The following HS3ST2 variants were observed in gnomAD, a reference collection of about 807,000 sequenced individuals.
HS3ST2 encodes the protein heparan sulfate-glucosamine 3-sulfotransferase 2.
A neutral mutation model predicts 26.3 loss-of-function variants in HS3ST2; 17 were observed. The ratio of observed to expected loss-of-function variants is 0.65; its 90% CI spans 0.44 to 0.97. The LOEUF (loss-of-function observed/expected upper bound fraction) is 0.97, where lower values mean the gene tolerates loss of function less well. Ranked by LOEUF, HS3ST2 falls within the 50% of genes least tolerant of loss-of-function variation. The pLI, the probability that HS3ST2 is intolerant of heterozygous loss-of-function variation, is 0.00. For synonymous variants in HS3ST2, 237 were observed against 219.2 expected, an observed-to-expected ratio of 1.08 and a Z score of -0.72; for missense variants, 402 against 501.2, an observed-to-expected ratio of 0.80 and a Z score of 1.89.
chr16:22,847,621 G>A (rs1901455692), intron 1 of HS3ST2, among the ~76,000 whole-genome samples: 1 of 152,028 alleles, frequency 6.6e-6, no homozygotes, highest in Admixed American at 6.6e-5. Flanking sequence ...GAATGGAAGA[G>A]AAGTATGAGG....
chr16:22,821,084 C>T (rs1008953415), intron 1 of HS3ST2, among the ~76,000 whole-genome samples: 20 of 151,982 alleles, frequency 1.3e-4, no homozygotes, highest in African/African-American at 3.1e-4. Context: ...CTGATTGGTC[C>T]GGGAGCTGGA....
chr16:22,885,054 T>C (rs905999585), intron 1 of HS3ST2, among the ~76,000 whole-genome samples: 1 of 152,054 alleles, frequency 6.6e-6, no homozygotes, highest in African/African-American at 2.4e-5. Flanking sequence ...TTAGCCAGGC[T>C]GGTCTTGAAC....
chr16:22,862,456 T>C (rs1901692955), intron 1 of HS3ST2, among the ~76,000 whole-genome samples: 1 of 152,200 alleles, frequency 6.6e-6, no homozygotes, highest in Admixed American at 6.5e-5. Context: ...ATAGTCATGT[T>C]ATACCATTGC....
At chr16:22,837,963 G>C (rs2141180822) in intron 1 of HS3ST2, among the ~76,000 whole-genome samples, 1 of 152,044 alleles carries the variant, frequency 6.6e-6, no homozygotes, top group African/African-American at 2.4e-5. Flanking sequence ...GTGGCAAGAG[G>C]TACTGGTTTT....
At chr16:22,867,169 A>C (rs898775914) in intron 1 of HS3ST2, among the ~76,000 whole-genome samples, 4 of 152,252 alleles carry the variant, frequency 2.6e-5, no homozygotes, top group African/African-American at 9.6e-5. Context: ...CATTTGAATC[A>C]GTGGGAAAGA....
chr16:22,845,153 C>T (rs1359378619), intron 1 of HS3ST2, among the ~76,000 whole-genome samples: 1 of 147,350 alleles, frequency 6.8e-6, no homozygotes, highest in Non-Finnish European at 1.5e-5. Context: ...TGCGCCTGGC[C>T]TAAATCTTTT....
At chr16:22,859,106 T>C (rs968532798) in intron 1 of HS3ST2, among the ~76,000 whole-genome samples, 1 of 152,138 alleles carries the variant, frequency 6.6e-6, no homozygotes, top group East Asian at 1.9e-4. Flanking sequence ...TTAGAGGCTG[T>C]AGTGAGCTAT....
intron 1 of HS3ST2, among the ~76,000 whole-genome samples, chr16:22,905,406 G>C (rs1472064299): frequency 6.6e-6 from 1 of 151,932 alleles, no homozygotes; most frequent in Non-Finnish European, 1.5e-5. Context: ...GAGAATACTT[G>C]GGTGTTTTTT....
chr16:22,826,144 T>C (rs1358686634), intron 1 of HS3ST2, among the ~76,000 whole-genome samples: 1 of 152,170 alleles, frequency 6.6e-6, no homozygotes, highest in Non-Finnish European at 1.5e-5. Context: ...AATTAATCTC[T>C]CTTTTAAAGA....
chr16:22,845,424 TCA>T (rs1413222372), intron 1 of HS3ST2, among the ~76,000 whole-genome samples: 1 of 144,766 alleles, frequency 6.9e-6, no homozygotes, highest in African/African-American at 2.8e-5. Context: ...TGATCTCGGC[TCA>T]CTGTAACCTC....
chr16:22,895,301 G>C (rs1902195251), intron 1 of HS3ST2, among the ~76,000 whole-genome samples: 1 of 152,106 alleles, frequency 6.6e-6, no homozygotes, highest in Non-Finnish European at 1.5e-5. Context: ...TGTTGGCCAG[G>C]CTGGTCTTGA....
intron 1 of HS3ST2, among the ~76,000 whole-genome samples, chr16:22,885,906 G>T (rs1902052845): frequency 6.6e-6 from 1 of 152,222 alleles, no homozygotes; most frequent in East Asian, 1.9e-4. Flanking sequence ...AGACCATCTG[G>T]CCCAGTCCAG....
At chr16:22,860,351 G>A (rs1901657938) in intron 1 of HS3ST2, among the ~76,000 whole-genome samples, 1 of 152,026 alleles carries the variant, frequency 6.6e-6, no homozygotes, top group Admixed American at 6.6e-5. Context: ...AACAGCATGG[G>A]AAAGACTTGC....
rs1163073438 is a variant in HS3ST2 at position 22,883,010 on chromosome 16, A to G, written c.486-31934A>G. 4.6e-5 allele frequency among the ~76,000 whole-genome samples: 7 copies of G among 151,720 alleles called. No individual in the cohort carries two copies. In the East Asian group the frequency reaches 1.3e-3, roughly 29 times the overall value. ...TGTGCCACTGCACTCTGGCCTGGCAACAGAGTGAGACTCCATCTCAGAAAA... is the reference window on the plus strand; with the variant it reads ...TGTGCCACTGCACTCTGGCCTGGCAGCAGAGTGAGACTCCATCTCAGAAAA... On this transcript the variant is annotated intron_variant, in intron 1 of 1. Transcript: ENST00000261374.
intron 1 of HS3ST2, among the ~76,000 whole-genome samples, chr16:22,868,735 T>G (rs557710478): frequency 3.3e-5 from 5 of 152,268 alleles, no homozygotes; most frequent in Admixed American, 1.3e-4. Flanking sequence ...TGCTGCAGCT[T>G]TCTGAGGTCC....
intron 1 of HS3ST2, among the ~76,000 whole-genome samples, chr16:22,865,253 TC>T (rs1307555490): frequency 6.6e-6 from 1 of 151,852 alleles, no homozygotes; most frequent in Non-Finnish European, 1.5e-5. Flanking sequence ...GTAAATAATG[TC>T]CAAAAAAAAG....
rs372345634 is a variant in HS3ST2, at chr16:22,832,489, G to T, written c.485+17394G>T. On this transcript the variant is annotated intron_variant, in intron 1 of 1. Coordinates refer to ENST00000261374, the MANE Select transcript of HS3ST2 (RefSeq NM_006043.2). ...TATTATGAGTTACAATGTGGATGTG[G>T]GCGGTATTCAAGTCTTCCCCATCCC... Among the ~76,000 whole-genome samples the T allele has an allele frequency of 4.6e-5, 7 of 151,798 alleles. No individual in the cohort carries two copies. In the East Asian group the frequency reaches 1.2e-3, roughly 25 times the overall value.
Position 22,840,051 on chromosome 16 carries a change from G to A in HS3ST2, c.485+24956G>A, listed in dbSNP as rs531063343. 2.6e-5 allele frequency among the ~76,000 whole-genome samples: 4 copies of A among 152,324 alleles called. No individual in the cohort carries two copies. In the East Asian group the frequency reaches 7.7e-4, roughly 29 times the overall value. On this transcript the variant is annotated intron_variant, in intron 1 of 1. Coordinates refer to ENST00000261374, the MANE Select transcript of HS3ST2 (RefSeq NM_006043.2). ...TCAATGATAATGTGGCTAATGTTTA[G>A]CTTGCACAAGGAGCTGGAATTGTGG...
intron 1 of HS3ST2, among the ~76,000 whole-genome samples, chr16:22,873,984 G>A (rs1400453783): frequency 6.6e-6 from 1 of 152,188 alleles, no homozygotes; most frequent in African/African-American, 2.4e-5. Context: ...TCCGGGAATA[G>A]CAGGAGGGCA....
Sources: allele counts gnomAD v4.1 joint callset (sites outside exome capture counted in the v4.1 genomes callset), GRCh38; gene constraint gnomAD v4.1.1; transcripts MANE v1.5; gene names NCBI Gene and HGNC (gene_info 2026-07-23, HGNC 2026-07-21).